Variants in RORA observed in about 807,000 individuals in gnomAD.
The protein encoded by RORA is nuclear receptor ROR-alpha.
A neutral mutation model predicts 69.5 loss-of-function variants in RORA; 7 were observed. The observed-to-expected ratio is 0.10, with a 90% CI of 0.06 to 0.19. The LOEUF (loss-of-function observed/expected upper bound fraction) is 0.19. Ranked by LOEUF, RORA falls within the 10% of genes least tolerant of loss-of-function variation. The pLI, the probability that RORA is intolerant of heterozygous loss-of-function variation, is 1.00. For missense variants in RORA, 457 were observed against 663.0 expected (o/e 0.69, Z 3.41); for synonymous variants, 261 against 240.8 (o/e 1.08, Z -0.78).
At chr15:61,203,030 C>T (rs1223525108) in intron 1 of RORA, among the ~76,000 whole-genome samples, 1 of 152,020 alleles carries the variant, frequency 6.6e-6, no homozygotes, top group Non-Finnish European at 1.5e-5. Context: ...AATTAGTATA[C>T]CTTAAGTACT....
chr15:61,072,208 CA>C (rs1170787684), intron 1 of RORA, among the ~76,000 whole-genome samples: 5 of 151,984 alleles, frequency 3.3e-5, no homozygotes, highest in Admixed American at 6.6e-5. Flanking sequence ...AAAGAAAAGC[CA>C]AAACATTTCC....
chr15:61,058,933 T>C (rs372840935), intron 1 of RORA, among the ~76,000 whole-genome samples: 74 of 152,342 alleles, frequency 4.9e-4, no homozygotes, highest in African/African-American at 1.6e-3. Flanking sequence ...GAGGTAGTCA[T>C]CTGTAAAATA....
chr15:60,527,116 A>G (rs773796995), intron 3 of RORA, among the ~76,000 whole-genome samples: 1 of 152,232 alleles, frequency 6.6e-6, no homozygotes, highest in Non-Finnish European at 1.5e-5. Flanking sequence ...TAGTGTTATC[A>G]AGAGGAAAAG....
At chr15:61,135,813 T>C (rs1173111520) in intron 1 of RORA, among the ~76,000 whole-genome samples, 2 of 152,032 alleles carry the variant, frequency 1.3e-5, no homozygotes, top group East Asian at 1.9e-4. Flanking sequence ...CCACACATGG[T>C]CTCACATTAA....
intron 2 of RORA, among the ~76,000 whole-genome samples, chr15:60,538,495 A>G (rs1232596046): frequency 6.6e-6 from 1 of 152,100 alleles, no homozygotes; most frequent in African/African-American, 2.4e-5. Context: ...TATTACCCAT[A>G]TCCAGCTATG....
intron 1 of RORA, among the ~76,000 whole-genome samples, chr15:60,835,685 T>C (rs1317687469): frequency 6.6e-6 from 1 of 152,168 alleles, no homozygotes; most frequent in Non-Finnish European, 1.5e-5. Flanking sequence ...TTGATCCAGG[T>C]CTTTGACTCT....
At chr15:60,906,513 G>A (rs1197167171) in intron 1 of RORA, among the ~76,000 whole-genome samples, 1 of 152,228 alleles carries the variant, frequency 6.6e-6, no homozygotes, top group Admixed American at 6.5e-5. Flanking sequence ...TGGCAGGGAG[G>A]TGGTCGCAGC....
intron 1 of RORA, among the ~76,000 whole-genome samples, chr15:61,052,082 G>A (rs1181388815): frequency 6.6e-6 from 1 of 152,230 alleles, no homozygotes; most frequent in Non-Finnish European, 1.5e-5. Context: ...GACAGAGGAT[G>A]CCTGGTGAGG....
intron 1 of RORA, among the ~76,000 whole-genome samples, chr15:60,704,481 G>GCT (rs1296977366): frequency 3.3e-5 from 5 of 152,212 alleles, no homozygotes. Context: ...AATGGCCAGG[G>GCT]CTCTGTTGGG....
chr15:61,038,303 C>T (rs1311892853), intron 1 of RORA, among the ~76,000 whole-genome samples: 1 of 151,986 alleles, frequency 6.6e-6, no homozygotes, highest in Admixed American at 6.6e-5. Context: ...ATATGGTTGC[C>T]TCTTTCTACT....
intron 2 of RORA, among the ~76,000 whole-genome samples, chr15:60,543,796 G>A (rs1015731475): frequency 1.9e-4 from 29 of 152,264 alleles, no homozygotes; most frequent in Admixed American, 9.8e-4. Context: ...GGCAGGGGCT[G>A]CAGCTGGAGT....
chr15:60,759,255 C>T (rs1467109300), intron 1 of RORA, among the ~76,000 whole-genome samples: 2 of 152,224 alleles, frequency 1.3e-5, no homozygotes, highest in African/African-American at 4.8e-5. Flanking sequence ...TCCTGCCTTA[C>T]AGAGGCCAGC....
At chr15:61,132,643 A>G (rs2079201612) in intron 1 of RORA, among the ~76,000 whole-genome samples, 1 of 152,220 alleles carries the variant, frequency 6.6e-6, no homozygotes, top group Non-Finnish European at 1.5e-5. Context: ...GCAATTATAA[A>G]CATAAATAGA....
intron 1 of RORA, among the ~76,000 whole-genome samples, chr15:60,981,375 A>G (rs1894040397): frequency 1.3e-5 from 2 of 152,086 alleles, no homozygotes; most frequent in African/African-American, 4.8e-5. Flanking sequence ...AAGTTTCACC[A>G]TTATTTCTTC....
At chr15:61,168,921 C>T (rs1040940053) in intron 1 of RORA, among the ~76,000 whole-genome samples, 6 of 152,182 alleles carry the variant, frequency 3.9e-5, no homozygotes, top group African/African-American at 1.4e-4. Flanking sequence ...TAGCTTGGAA[C>T]CTGCCTTGGA....
Position 61,191,308 on chromosome 15 carries a change from T to C in RORA, c.166+37745A>G, listed in dbSNP as rs115842012. Among the ~76,000 whole-genome samples, 496 of 151,634 alleles carry C rather than the reference T, an allele frequency of 3.3e-3. 2 individuals carry two copies. Among genetic ancestry groups the C allele is most frequent in the African/African-American group, 0.012 (481 of 41,268 alleles). Reference sequence around the variant, plus strand: ...TCAGGAATTGTCATCTGTATTATTATTTCACAAGCTGACATTTTTTAAAGG... The same window carrying C: ...TCAGGAATTGTCATCTGTATTATTACTTCACAAGCTGACATTTTTTAAAGG... On this transcript the variant is annotated intron_variant, in intron 1 of 10. Transcript: ENST00000335670.
At chr15:60,875,242 T>G (rs2073600538) in intron 1 of RORA, among the ~76,000 whole-genome samples, 1 of 152,118 alleles carries the variant, frequency 6.6e-6, no homozygotes. Context: ...TGCATATTTT[T>G]GGGAAGAAAA....
intron 1 of RORA, among the ~76,000 whole-genome samples, chr15:61,180,861 G>T (rs771575800): frequency 3.3e-5 from 5 of 152,154 alleles, no homozygotes; most frequent in Non-Finnish European, 7.3e-5. Flanking sequence ...AACTTTGGGA[G>T]GCCAAAGCAG....
At position 60,565,044 on chromosome 15, in the gene RORA, C is replaced by T. The variant is rs531196681; in HGVS notation, c.197-33193G>A. Among the ~76,000 whole-genome samples the T allele has an allele frequency of 6.6e-5, 10 of 152,152 alleles. No individual in the cohort carries two copies. In the East Asian group the frequency reaches 1.9e-3, roughly 29 times the overall value. The stretch of plus-strand genomic sequence containing the variant: ...TATCTCAGCAAAAAGACAGAGTGTT[C>T]CTGAAACAGTCTCTAAAGTCGTCCA... On this transcript the variant is annotated intron_variant, in intron 2 of 10. Coordinates refer to ENST00000335670, the MANE Select transcript of RORA (RefSeq NM_134261.3).
Sources: allele counts gnomAD v4.1 joint callset (sites outside exome capture counted in the v4.1 genomes callset), GRCh38; gene constraint gnomAD v4.1.1; transcripts MANE v1.5; gene names NCBI Gene and HGNC (gene_info 2026-07-23, HGNC 2026-07-21).